ADGRB3: variants seen among roughly 807,000 people sequenced by gnomAD.
The protein encoded by ADGRB3 is adhesion G protein-coupled receptor B3.
In ADGRB3, 37 loss-of-function variants were observed where a neutral mutation model predicts 193.4. That is an observed-to-expected ratio of 0.19 (90% CI 0.15 to 0.25). ADGRB3 has a LOEUF of 0.25. ADGRB3 is among the 10% of genes least tolerant of loss of function. The pLI, the probability that ADGRB3 is intolerant of heterozygous loss-of-function variation, is 1.00. For missense variants in ADGRB3, 1,637 were observed against 1,852.9 expected, an observed-to-expected ratio of 0.88 and a Z score of 2.14; for synonymous variants, 690 against 644.2, an observed-to-expected ratio of 1.07 and a Z score of -1.08.
At chr6:69,382,112 G>A (rs1769960593) in intron 30 of ADGRB3, among the ~76,000 whole-genome samples, 1 of 151,838 alleles carries the variant, frequency 6.6e-6, no homozygotes. Flanking sequence ...TGAGAGAAAA[G>A]GGTGTAACCA....
intron 3 of ADGRB3, among the ~76,000 whole-genome samples, chr6:68,902,111 G>C (rs1048457964): frequency 1.3e-5 from 2 of 152,066 alleles, no homozygotes; most frequent in African/African-American, 4.8e-5. Context: ...TTGGTGTATA[G>C]AATGCACAAT....
chr6:69,332,327 T>G (rs1481972803), intron 23 of ADGRB3: 1 of 985,260 alleles, frequency 1.0e-6, no homozygotes, highest in African/African-American at 1.7e-5. Context: ...TTTTAAAAAT[T>G]GGCACTAGTG....
chr6:69,071,157 G>A (rs1453242078), intron 16 of ADGRB3, among the ~76,000 whole-genome samples: 1 of 152,158 alleles, frequency 6.6e-6, no homozygotes, highest in Non-Finnish European at 1.5e-5. Context: ...GGTTAGACTT[G>A]TTGTGATCAT....
At chr6:68,913,945 G>A (rs1173818342) in intron 3 of ADGRB3, among the ~76,000 whole-genome samples, 1 of 151,288 alleles carries the variant, frequency 6.6e-6, no homozygotes, top group African/African-American at 2.4e-5. Context: ...GGGTATCAGT[G>A]ATGGAAGATG....
At chr6:69,334,610 T>C (rs555796178) in intron 24 of ADGRB3, among the ~76,000 whole-genome samples, 37 of 152,298 alleles carry the variant, frequency 2.4e-4, no homozygotes, top group African/African-American at 8.7e-4. Context: ...ACAATTACTC[T>C]TGTTATTACG....
At chr6:68,714,915 A>C (rs1349302979) in intron 3 of ADGRB3, among the ~76,000 whole-genome samples, 1 of 151,740 alleles carries the variant, frequency 6.6e-6, no homozygotes, top group Non-Finnish European at 1.5e-5. Context: ...TCTGTAAAAA[A>C]AGGTTACTAT....
At chr6:69,342,869 T>A (rs1309735374) in intron 26 of ADGRB3, among the ~76,000 whole-genome samples, 1 of 152,048 alleles carries the variant, frequency 6.6e-6, no homozygotes, top group Non-Finnish European at 1.5e-5. Context: ...TTAAAATATA[T>A]AAGCAATGTA....
intron 3 of ADGRB3, among the ~76,000 whole-genome samples, chr6:68,903,088 G>T (rs561580423): frequency 1.3e-5 from 2 of 152,270 alleles, no homozygotes; most frequent in African/African-American, 4.8e-5. Flanking sequence ...GCTGGTCCAT[G>T]ATTTACACTT....
At chr6:69,189,295 C>T (rs1385694454) in intron 17 of ADGRB3, among the ~76,000 whole-genome samples, 1 of 152,140 alleles carries the variant, frequency 6.6e-6, no homozygotes, top group Non-Finnish European at 1.5e-5. Flanking sequence ...CCTTTGGGAA[C>T]TATTCACCTA....
intron 17 of ADGRB3, among the ~76,000 whole-genome samples, chr6:69,169,562 A>C (rs1775220799): frequency 6.7e-6 from 1 of 150,218 alleles, no homozygotes; most frequent in Non-Finnish European, 1.5e-5. Context: ...ATTGTGATTA[A>C]ATTATCATTT....
chr6:68,889,192 C>G (rs1766002129), intron 3 of ADGRB3, among the ~76,000 whole-genome samples: 2 of 152,164 alleles, frequency 1.3e-5, no homozygotes, highest in Non-Finnish European at 2.9e-5. Flanking sequence ...TAATTTGTAA[C>G]AATGACTAAA....
chr6:68,659,497 CGAA>C (rs922867355), intron 3 of ADGRB3, among the ~76,000 whole-genome samples: 1 of 150,354 alleles, frequency 6.7e-6, no homozygotes, highest in Non-Finnish European at 1.5e-5. Flanking sequence ...TTTATATATG[CGAA>C]GAAGCATATT....
At chr6:69,040,357 C>CTTTCTTTCTTTCTTTCTTTCTTTCT (rs1562133191) in intron 13 of ADGRB3, among the ~76,000 whole-genome samples, 1 of 63,178 alleles carries the variant, frequency 1.6e-5, no homozygotes, top group African/African-American at 5.2e-5. Context: ...TTCTTTCTTT[C>CTTTCTTTCTTTCTTTCTTTCTTTCT]TTTCTTTCTT....
At chr6:68,797,068 A>T (rs1285021421) in intron 3 of ADGRB3, among the ~76,000 whole-genome samples, 1 of 152,196 alleles carries the variant, frequency 6.6e-6, no homozygotes, top group Non-Finnish European at 1.5e-5. Context: ...CATAGCTAGC[A>T]GCAAAAGTAA....
chr6:69,078,035 A>G (rs1311703347), intron 17 of ADGRB3, among the ~76,000 whole-genome samples: 1 of 151,938 alleles, frequency 6.6e-6, no homozygotes, highest in Admixed American at 6.6e-5. Context: ...ATATATACAC[A>G]ATAGTTTTAT....
At chr6:68,657,131 G>A (rs1439115471) in intron 3 of ADGRB3, among the ~76,000 whole-genome samples, 1 of 151,360 alleles carries the variant, frequency 6.6e-6, no homozygotes, top group Non-Finnish European at 1.5e-5. Context: ...AATCAGACAA[G>A]CAGCCTAAAA....
intron 3 of ADGRB3, among the ~76,000 whole-genome samples, chr6:68,868,219 C>CTGGTGAGAG (rs1191646627): frequency 1.3e-5 from 2 of 152,112 alleles, no homozygotes; most frequent in African/African-American, 4.8e-5. Flanking sequence ...CTATGCAGTT[C>CTGGTGAGAG]TGGTGAGAGT....
intron 17 of ADGRB3, among the ~76,000 whole-genome samples, chr6:69,113,193 A>T (rs560247824): frequency 1.0e-3 from 157 of 152,220 alleles, no homozygotes; most frequent in African/African-American, 3.6e-3. Flanking sequence ...ACAGATGCCG[A>T]GGAATGACTA....
At chr6:69,017,989 G>A (rs1582397151) in intron 12 of ADGRB3, among the ~76,000 whole-genome samples, 2 of 151,944 alleles carry the variant, frequency 1.3e-5, no homozygotes, top group Middle Eastern at 6.8e-3. Context: ...TCTTCATGGT[G>A]GCAATATTAA....
Sources: allele counts gnomAD v4.1 joint callset (sites outside exome capture counted in the v4.1 genomes callset), GRCh38; gene constraint gnomAD v4.1.1; transcripts MANE v1.5; gene names NCBI Gene and HGNC (gene_info 2026-07-23, HGNC 2026-07-21).